The following MYOM1 variants were observed in gnomAD, a reference collection of about 807,000 sequenced individuals.
MYOM1 encodes myomesin 1.
A neutral mutation model predicts 205.3 loss-of-function variants in MYOM1; 164 were observed. The observed-to-expected ratio is 0.80, with a 90% CI of 0.70 to 0.91. The LOEUF is 0.91. MYOM1 is among the 40% of genes least tolerant of loss of function. The probability of loss-of-function intolerance (pLI) is 0.00; values close to 1 mark genes in which losing one functional copy is unlikely to be tolerated. For synonymous variants in MYOM1, 772 were observed against 789.4 expected, an observed-to-expected ratio of 0.98 and a Z score of 0.37; for missense variants, 2,011 against 2,127.3, an observed-to-expected ratio of 0.95 and a Z score of 1.08.
the MYOM1 span, among the ~76,000 whole-genome samples, chr18:3,228,449 A>T: frequency 1.3e-5 from 2 of 152,208 alleles, no homozygotes; most frequent in African/African-American, 4.8e-5. The surrounding 1 kb of genome is among the most constrained non-coding windows in gnomAD (Gnocchi z 4.5). Context: ...CCGAAACACA[A>T]GAAGCCCGCG....
rs749877014 is a variant in MYOM1 at position 3,083,743 on chromosome 18, G to C, written c.4484+46C>G. ...TTACAGGTGTGAGCTGCCGCGCCTGGCAGGGAAAGAATTTCTACACAGCAA... is the reference window on the plus strand; with the variant it reads ...TTACAGGTGTGAGCTGCCGCGCCTGCCAGGGAAAGAATTTCTACACAGCAA... On this transcript the variant is annotated intron_variant, in intron 33 of 37. Coordinates refer to ENST00000356443, the MANE Select transcript of MYOM1 (RefSeq NM_003803.4). The C allele has an allele frequency of 3.1e-5, 46 of 1,465,404 alleles. No individual in the cohort carries two copies. In the African/African-American group the frequency reaches 5.7e-4, roughly 18 times the overall value. The allele number at this position is 1,465,404 out of a possible 1,614,324, so 90.8% of individuals were successfully genotyped here. A position where few individuals can be genotyped will look rare whatever the true frequency, so the allele number is the denominator to read the frequency against.
chr18:3,082,930 C>T (rs2079101263), intron 33 of MYOM1, among the ~76,000 whole-genome samples: 1 of 152,164 alleles, frequency 6.6e-6, no homozygotes, highest in African/African-American at 2.4e-5. Context: ...ATAACAACAA[C>T]AATAATCTTG....
At chr18:3,237,506 G>C in the MYOM1 span, among the ~76,000 whole-genome samples, 3 of 149,738 alleles carry the variant, frequency 2.0e-5, no homozygotes, top group Admixed American at 1.3e-4. Flanking sequence ...GGCTGAGGCA[G>C]GAGAATGGCG....
At position 3,193,936 on chromosome 18, in the gene MYOM1, A is replaced by C; in HGVS notation, c.313T>G (p.Leu105Val). The C allele has an allele frequency of 1.2e-6, 2 of 1,613,794 alleles. No homozygotes were observed. The highest frequency in any genetic ancestry group is 1.7e-6 in the Non-Finnish European group (2 of 1,179,770). The change falls in exon 3 of 38, where the codon TTA becomes GTA. Residue 105 changes from leucine (L) to valine (V), a missense_variant. By Grantham distance (32) the Leu-to-Val change is conservative (BLOSUM62 1). Transcript: ENST00000356443. ...SHGLTDSSLL[L>V]DDYSSKLSPK... ...CTCAACTTGGATGAATAATCATCTA[A>C]CAGCAGACTGGAATCTGTAAGTCTG...
chr18:3,186,441 GA>G (rs1442380997), intron 5 of MYOM1, among the ~76,000 whole-genome samples: 1 of 152,160 alleles, frequency 6.6e-6, no homozygotes, highest in African/African-American at 2.4e-5. Context: ...GAGTAAAACT[GA>G]AATATCTTTT....
At chr18:3,095,799 G>T (rs1351189851) in intron 25 of MYOM1, among the ~76,000 whole-genome samples, 2 of 152,122 alleles carry the variant, frequency 1.3e-5, no homozygotes, top group African/African-American at 4.8e-5. Flanking sequence ...TTGTCCACAC[G>T]GTGGTTTTCC....
chr18:3,099,065 C>T (rs545700209), intron 25 of MYOM1, among the ~76,000 whole-genome samples: 5 of 152,154 alleles, frequency 3.3e-5, no homozygotes, highest in Admixed American at 6.5e-5. Flanking sequence ...GTGATCCTCT[C>T]GCTCCGGCCT....
rs1360102560 is a variant in MYOM1 at position 3,193,653 on chromosome 18, T to A, written c.431+165A>T. On this transcript the variant is annotated intron_variant, in intron 3 of 37. Transcript: ENST00000356443. ...TCTGAATCAGTATATAGTAAGTGCTTAATAAAAGGTTAGCTGCTTTTACTA... is the reference window on the plus strand; with the variant it reads ...TCTGAATCAGTATATAGTAAGTGCTAAATAAAAGGTTAGCTGCTTTTACTA... Among the ~76,000 whole-genome samples, 3 of 152,190 alleles carry A rather than the reference T, an allele frequency of 2.0e-5. No individual in the cohort carries two copies. In the East Asian group the frequency reaches 5.8e-4, roughly 29 times the overall value.
At chr18:3,243,768 A>G in the MYOM1 span, among the ~76,000 whole-genome samples, 9 of 152,324 alleles carry the variant, frequency 5.9e-5, no homozygotes, top group Admixed American at 1.3e-4. Context: ...TTGTGTCCCA[A>G]TCAATGAAAC....
At chr18:3,195,113 A>T (rs2080976421) in intron 2 of MYOM1, among the ~76,000 whole-genome samples, 1 of 152,146 alleles carries the variant, frequency 6.6e-6, no homozygotes, top group Non-Finnish European at 1.5e-5. Flanking sequence ...TCAAAAGCAG[A>T]AGAGAGGCCA....
chr18:3,194,367 C>T (rs2080964138), intron 2 of MYOM1, among the ~76,000 whole-genome samples: 1 of 152,202 alleles, frequency 6.6e-6, no homozygotes, highest in Non-Finnish European at 1.5e-5. Context: ...CTTTTCTAGA[C>T]AGGTCCATCC....
intron 3 of MYOM1, among the ~76,000 whole-genome samples, chr18:3,190,892 T>C (rs2080894921): frequency 6.6e-6 from 1 of 152,310 alleles, no homozygotes; most frequent in East Asian, 1.9e-4. Flanking sequence ...TTACTACTGA[T>C]ACTGGATATG....
intron 30 of MYOM1, among the ~76,000 whole-genome samples, chr18:3,085,473 A>G (rs557263172): frequency 1.1e-4 from 17 of 152,086 alleles, no homozygotes; most frequent in Non-Finnish European, 1.6e-4. Flanking sequence ...TCTTTGAACA[A>G]GCATCTAACT....
intron 21 of MYOM1, among the ~76,000 whole-genome samples, 155 bp downstream of exon 21, chr18:3,116,176 T>A (rs1029245464): frequency 2.6e-5 from 4 of 152,080 alleles, no homozygotes; most frequent in Non-Finnish European, 5.9e-5. Context: ...ATCAGAAACT[T>A]CTCCCAGCCC....
At chr18:3,137,299 T>C (rs2079985393) in intron 14 of MYOM1, among the ~76,000 whole-genome samples, 2 of 152,190 alleles carry the variant, frequency 1.3e-5, no homozygotes, top group South Asian at 4.1e-4. Flanking sequence ...TTCTACTATA[T>C]GATCCAGCAA....
At chr18:3,175,762 A>G (rs2080629259) in intron 6 of MYOM1, among the ~76,000 whole-genome samples, 1 of 152,226 alleles carries the variant, frequency 6.6e-6, no homozygotes. Context: ...AAAATTCCCA[A>G]GTATATAAAA....
chr18:3,222,501 G>A (rs1260436544), upstream of MYOM1, among the ~76,000 whole-genome samples: 2 of 152,198 alleles, frequency 1.3e-5, no homozygotes, highest in East Asian at 1.9e-4. Context: ...TCTATAGTGT[G>A]TGTGCACTTC....
chr18:3,089,553 T>C lies in MYOM1; in HGVS notation c.4053A>G (p.Glu1351=), dbSNP rs2079195154. 6.8e-6 allele frequency: 11 copies of C among 1,609,806 alleles called. No homozygotes were observed. Among genetic ancestry groups the C allele is most frequent in the Non-Finnish European group, 8.5e-6 (10 of 1,178,122 alleles). The change falls in exon 28 of 38, where the codon GAA becomes GAG. Residue 1351 remains glutamate (E), a synonymous_variant. Coordinates refer to ENST00000356443, the MANE Select transcript of MYOM1 (RefSeq NM_003803.4). ...TATTTTTACCTTGTTTCCTGATCCA[T>C]TCTTGCCGCTGGAATTCAGCTTCTT... ...LQKEAEFQRQ[E]WIRKQGPHFV... is the part of the protein sequence containing the mutation.
chr18:3,194,417 T>C (rs1340429095), intron 2 of MYOM1, among the ~76,000 whole-genome samples: 1 of 152,216 alleles, frequency 6.6e-6, no homozygotes, highest in Non-Finnish European at 1.5e-5. Context: ...CCTTTATGTA[T>C]TATAGGCAAC....
Sources: gnomAD v4.1 joint callset for allele counts (sites outside exome capture counted in the v4.1 genomes callset) on GRCh38, gnomAD v4.1.1 for gene constraint, Gnocchi (gnomAD v3.1) non-coding constraint, MANE v1.5 for transcripts, NCBI Gene and HGNC (gene_info 2026-07-23, HGNC 2026-07-21) for gene names.